Variants in PAX7 observed in about 807,000 individuals in gnomAD.
PAX7 encodes the protein paired box 7, also known as paired box protein Pax-7.
PAX7 carries 18 observed loss-of-function variants against 50.7 expected under a neutral mutation model. The ratio of observed to expected loss-of-function variants is 0.36; its 90% CI spans 0.25 to 0.53. PAX7 has a LOEUF of 0.53. Ranked by LOEUF, PAX7 falls within the 20% of genes least tolerant of loss-of-function variation. The pLI, the probability that PAX7 is intolerant of heterozygous loss-of-function variation, is 0.93. For missense variants in PAX7, 644 were observed against 702.9 expected, an observed-to-expected ratio of 0.92 and a Z score of 0.95; for synonymous variants, 310 against 290.4, an observed-to-expected ratio of 1.07 and a Z score of -0.69.
intron 4 of PAX7, among the ~76,000 whole-genome samples, chr1:18,680,202 G>A (rs556036152): frequency 6.6e-6 from 1 of 152,182 alleles, no homozygotes; most frequent in Non-Finnish European, 1.5e-5. Context: ...CCCTGGAGCT[G>A]CATCAGTACC....
chr1:18,721,293 C>A (rs1466331668), intron 7 of PAX7, among the ~76,000 whole-genome samples: 3 of 152,180 alleles, frequency 2.0e-5, no homozygotes, highest in Non-Finnish European at 4.4e-5. Flanking sequence ...GTTCCAGATG[C>A]CACCCTGACA....
chr1:18,671,296 A>G lies in PAX7; in HGVS notation c.587-20458A>G, dbSNP rs566248626. ...CAACAGAAAAATGAGTGCATGAGAG[A>G]CAGAATAATTTTCCAGTGTGCAGGC... On this transcript the variant is annotated intron_variant, in intron 4 of 8. Transcript: ENST00000420770. Among the ~76,000 whole-genome samples, 4 of 152,334 alleles carry G rather than the reference A, an allele frequency of 2.6e-5. 1 individual carries two copies. The highest frequency in any genetic ancestry group is 4.1e-4 in the South Asian group (2 of 4,826).
rs764959341 is a variant in PAX7, at chr1:18,631,667, C to A, written c.64C>A (p.Arg22Ser). Residue 22 changes from arginine (R) to serine (S), a missense_variant, in exon 1 of 9, where the codon CGC (arginine) becomes AGC (serine). Transcript: ENST00000420770. ...MRPAPGQNYP[R>S]TGFPLEVSTP... ...GCCGGCTCCGGGGCAGAACTACCCCCGCACGGGATTCCCTTTGGAAGGTAA... is the reference window on the plus strand; with the variant it reads ...GCCGGCTCCGGGGCAGAACTACCCCAGCACGGGATTCCCTTTGGAAGGTAA... The A allele has an allele frequency of 2.5e-6, 4 of 1,612,866 alleles. No individual in the cohort carries two copies. Among genetic ancestry groups the A allele is most frequent in the Non-Finnish European group, 2.5e-6 (3 of 1,179,794 alleles).
intron 8 of PAX7, among the ~76,000 whole-genome samples, chr1:18,740,549 G>T (rs189586152): frequency 6.6e-6 from 1 of 152,278 alleles, no homozygotes; most frequent in East Asian, 1.9e-4. Flanking sequence ...AAATAGATGT[G>T]GTCATGCCTG....
intron 7 of PAX7, among the ~76,000 whole-genome samples, chr1:18,714,088 G>A (rs899897707): frequency 5.9e-5 from 9 of 152,126 alleles, no homozygotes; most frequent in African/African-American, 2.2e-4. Context: ...GTGCGTGCCT[G>A]TAGTCCCAGC....
intron 7 of PAX7, among the ~76,000 whole-genome samples, chr1:18,713,281 A>G (rs2089378406): frequency 6.6e-6 from 1 of 152,120 alleles, no homozygotes; most frequent in South Asian, 2.1e-4. Flanking sequence ...TCCACACACC[A>G]CTGTTGTCAG....
At chr1:18,676,076 C>T (rs1322915355) in intron 4 of PAX7, among the ~76,000 whole-genome samples, 1 of 152,208 alleles carries the variant, frequency 6.6e-6, no homozygotes, top group Admixed American at 6.5e-5. Flanking sequence ...TCACAGCAAT[C>T]ATTTGGCTAA....
At position 18,748,566 on chromosome 1, in the gene PAX7, A is replaced by G. The variant is rs1931545405; in HGVS notation, c.*3637A>G. The G allele has an allele frequency of 4.3e-6, 1 of 231,132 alleles. No individual in the cohort carries two copies. The allele number at this position is 231,132 out of a possible 1,614,324, so 14.3% of individuals were successfully genotyped here. ...ATTCCCTGACCTGGGAAATATTTAC[A>G]TAGTACTCTAGATCATTCCTTCTTC... On this transcript the variant is annotated 3_prime_UTR_variant, in exon 9 of 9. Transcript: ENST00000420770.
At chr1:18,712,692 C>CT (rs2089369205) in intron 7 of PAX7, among the ~76,000 whole-genome samples, 1 of 152,088 alleles carries the variant, frequency 6.6e-6, no homozygotes, top group African/African-American at 2.4e-5. Flanking sequence ...ACCTTGCCTC[C>CT]TTTCTTAGAG....
intron 4 of PAX7, among the ~76,000 whole-genome samples, chr1:18,685,863 G>A (rs1557529399): frequency 6.6e-6 from 1 of 152,070 alleles, no homozygotes; most frequent in Non-Finnish European, 1.5e-5. Flanking sequence ...AAGGCTGGGG[G>A]AGAGATGATG....
At chr1:18,702,253 C>T (rs909403883) in intron 6 of PAX7, among the ~76,000 whole-genome samples, 2 of 152,038 alleles carry the variant, frequency 1.3e-5, no homozygotes, top group Non-Finnish European at 1.5e-5. Flanking sequence ...GCAGGGGAAT[C>T]GCTTGAACCC....
At chr1:18,664,319 G>A (rs1275738809) in intron 4 of PAX7, among the ~76,000 whole-genome samples, 2 of 152,204 alleles carry the variant, frequency 1.3e-5, no homozygotes, top group Non-Finnish European at 2.9e-5. Flanking sequence ...CTCTCTCCTG[G>A]CCCCTGTCAG....
chr1:18,745,537 C>A lies in PAX7; in HGVS notation c.*608C>A. On this transcript the variant is annotated 3_prime_UTR_variant, in exon 9 of 9. Transcript: ENST00000420770. ...CACCCCCACCCAGGAATTTGAAGGACTTCAGAACCCTCCCCAGACACCTCT... is the reference window on the plus strand; with the variant it reads ...CACCCCCACCCAGGAATTTGAAGGAATTCAGAACCCTCCCCAGACACCTCT... The A allele has an allele frequency of 4.3e-6, 1 of 231,470 alleles. No individual in the cohort carries two copies. Among genetic ancestry groups the A allele is most frequent in the Non-Finnish European group, 8.5e-6 (1 of 117,112 alleles). 14.3% of individuals were successfully genotyped at this position (231,470 alleles called of 1,614,324 possible). A position where few individuals can be genotyped will look rare whatever the true frequency, so the allele number is the denominator to read the frequency against.
intron 4 of PAX7, among the ~76,000 whole-genome samples, chr1:18,690,904 C>A (rs560165533): frequency 2.0e-5 from 3 of 152,266 alleles, no homozygotes; most frequent in Admixed American, 2.0e-4. Flanking sequence ...GGGAGGTGGC[C>A]TTCCCAGGGT....
chr1:18,673,525 A>C (rs918969283), intron 4 of PAX7, among the ~76,000 whole-genome samples: 8 of 152,226 alleles, frequency 5.3e-5, no homozygotes, highest in Admixed American at 1.3e-4. Flanking sequence ...GGAAAATAAC[A>C]TTGTTTATTT....
intron 7 of PAX7, among the ~76,000 whole-genome samples, chr1:18,730,583 C>T (rs1171865954): frequency 6.9e-6 from 1 of 144,576 alleles, no homozygotes; most frequent in Non-Finnish European, 1.5e-5. Context: ...CTTCTAATTG[C>T]AGCCACACTC....
chr1:18,708,205 C>T (rs1451282672), intron 7 of PAX7, among the ~76,000 whole-genome samples: 1 of 152,070 alleles, frequency 6.6e-6, no homozygotes, highest in East Asian at 1.9e-4. Context: ...ACCCCCAGCC[C>T]ACTCTCTCCC....
At chr1:18,742,068 A>G (rs1222075108) in intron 8 of PAX7, among the ~76,000 whole-genome samples, 1 of 152,130 alleles carries the variant, frequency 6.6e-6, no homozygotes, top group Non-Finnish European at 1.5e-5. Flanking sequence ...TGCTTAGAAC[A>G]GGACTAGGAT....
At chr1:18,711,870 A>G (rs1191671519) in intron 7 of PAX7, among the ~76,000 whole-genome samples, 2 of 151,860 alleles carry the variant, frequency 1.3e-5, no homozygotes, top group South Asian at 2.1e-4. Flanking sequence ...GCCGAATGAC[A>G]TTTTTCAGTG....
Sources: allele counts gnomAD v4.1 joint callset (sites outside exome capture counted in the v4.1 genomes callset), GRCh38; gene constraint gnomAD v4.1.1; transcripts MANE v1.5; gene names NCBI Gene and HGNC (gene_info 2026-07-23, HGNC 2026-07-21).